The following KCNJ16 variants were observed in gnomAD, a reference collection of about 807,000 sequenced individuals.
KCNJ16 encodes inward rectifier potassium channel 16.
A neutral mutation model predicts 18.5 loss-of-function variants in KCNJ16; 15 were observed. The ratio of observed to expected loss-of-function variants is 0.81; its 90% CI spans 0.54 to 1.25. The LOEUF (loss-of-function observed/expected upper bound fraction) is 1.25. Among genes scored for constraint, KCNJ16 ranks in the 50% most tolerant of loss-of-function variants. The pLI is 0.00. For synonymous variants in KCNJ16, 174 were observed against 186.5 expected (o/e 0.93, Z 0.55); for missense variants, 523 against 525.7 (o/e 0.99, Z 0.05).
intron 2 of KCNJ16, among the ~76,000 whole-genome samples, chr17:70,115,238 A>G (rs867430041): frequency 2.8e-4 from 43 of 152,160 alleles, no homozygotes; most frequent in Middle Eastern, 3.2e-3. Flanking sequence ...AGAATCTGAA[A>G]GAAAATAGTT....
chr17:70,118,790 C>A (rs1270728122), intron 2 of KCNJ16, among the ~76,000 whole-genome samples: 1 of 152,116 alleles, frequency 6.6e-6, no homozygotes, highest in Non-Finnish European at 1.5e-5. Flanking sequence ...TGGGTGGGGA[C>A]AAATACCCAA....
chr17:70,106,124 T>C (rs2072911394), intron 2 of KCNJ16, among the ~76,000 whole-genome samples: 1 of 152,102 alleles, frequency 6.6e-6, no homozygotes, highest in Non-Finnish European at 1.5e-5. Flanking sequence ...TCAGCTAAAA[T>C]TAAGAAGTCA....
intron 2 of KCNJ16, among the ~76,000 whole-genome samples, chr17:70,108,845 A>G (rs567670003): frequency 7.2e-5 from 11 of 152,184 alleles, no homozygotes; most frequent in African/African-American, 2.2e-4. Flanking sequence ...CTTGACATTG[A>G]TAACTGTTTA....
intron 2 of KCNJ16, among the ~76,000 whole-genome samples, chr17:70,111,130 T>C (rs536956594): frequency 1.1e-4 from 16 of 152,304 alleles, no homozygotes; most frequent in African/African-American, 3.6e-4. Flanking sequence ...ATACAAAAGA[T>C]ATACACATCT....
chr17:70,113,171 T>C (rs1207626939), intron 2 of KCNJ16, among the ~76,000 whole-genome samples: 1 of 152,210 alleles, frequency 6.6e-6, no homozygotes, highest in Non-Finnish European at 1.5e-5. Context: ...ACCAACTTCC[T>C]TCATTCGCCT....
intron 1 of KCNJ16, among the ~76,000 whole-genome samples, chr17:70,075,616 C>T (rs2071271754): frequency 6.6e-6 from 1 of 152,146 alleles, no homozygotes; most frequent in Non-Finnish European, 1.5e-5. Flanking sequence ...TAAAAGTAGT[C>T]TCACATTGGT....
chr17:70,132,331 A>T lies in KCNJ16; in HGVS notation c.244A>T (p.Ile82Phe). The change falls in exon 4 of 4, where the codon ATT becomes TTT. Residue 82 changes from isoleucine to phenylalanine, a missense_variant. Physicochemically the swap from Ile to Phe is conservative, Grantham distance 21. Transcript: ENST00000392671. ...HMFVIFSLSY[I>F]LSWLIFGSVF... is the part of the protein sequence containing the mutation. ...GTTTGTGATATTTTCTTTATCTTATATTCTCTCGTGGTTGATATTTGGCTC... is the reference window on the plus strand; with the variant it reads ...GTTTGTGATATTTTCTTTATCTTATTTTCTCTCGTGGTTGATATTTGGCTC... 6.2e-7 allele frequency: 1 copy of T among 1,614,140 alleles called. No individual in the cohort carries two copies. The highest frequency in any genetic ancestry group is 8.5e-7 in the Non-Finnish European group (1 of 1,180,002).
intron 1 of KCNJ16, among the ~76,000 whole-genome samples, chr17:70,081,805 TC>T (rs1471031948): frequency 7.7e-5 from 8 of 103,960 alleles, no homozygotes; most frequent in Non-Finnish European, 1.5e-4. Flanking sequence ...GTCACCATGC[TC>T]TGTGTGTGTG....
At chr17:70,130,315 A>G (rs2074011382) in intron 2 of KCNJ16, among the ~76,000 whole-genome samples, 1 of 152,210 alleles carries the variant, frequency 6.6e-6, no homozygotes, top group African/African-American at 2.4e-5. Flanking sequence ...ACCTTCCAGT[A>G]AGCATTTTCG....
At chr17:70,092,609 A>G (rs1436022109) in intron 1 of KCNJ16, among the ~76,000 whole-genome samples, 1 of 150,444 alleles carries the variant, frequency 6.6e-6, no homozygotes, top group Non-Finnish European at 1.5e-5. Context: ...ATAGATAGAT[A>G]GATGAGATTC....
At chr17:70,103,288 GTGTGTGTGTATATATA>G (rs1238875247) in intron 2 of KCNJ16, among the ~76,000 whole-genome samples, 2 of 88,646 alleles carry the variant, frequency 2.3e-5, no homozygotes, top group African/African-American at 9.9e-5. Context: ...ATGCATATAT[GTGTGTGTGTATATATA>G]TATATATATA....
rs187421358 is a variant in KCNJ16, at chr17:70,123,349, T to C, written c.-190-7530T>C. Among the ~76,000 whole-genome samples the C allele has an allele frequency of 1.1e-4, 16 of 152,326 alleles. 1 individual carries two copies. The highest frequency in any genetic ancestry group is 3.6e-4 in the African/African-American group (15 of 41,574). The stretch of plus-strand genomic sequence containing the variant: ...AGCAGAAACGAGAGGCAAGAAACCT[T>C]TGCATGAGTCATGCAGCCTTTGCAA... On this transcript the variant is annotated intron_variant, in intron 2 of 3. Coordinates refer to ENST00000392671, the MANE Select transcript of KCNJ16 (RefSeq NM_170741.4).
Position 70,132,347 on chromosome 17 carries a change from T to A in KCNJ16, c.260T>A (p.Ile87Lys), listed in dbSNP as rs763719400. ...FSLSYILSWL[I>K]FGSVFWLIAF... ...TTATCTTATATTCTCTCGTGGTTGA[T>A]ATTTGGCTCTGTCTTTTGGCTCATA... The change falls in exon 4 of 4, where the codon ATA (isoleucine) becomes AAA (lysine). Residue 87 changes from isoleucine (I) to lysine (K), a missense_variant. By Grantham distance (102) the Ile-to-Lys change is moderately radical. Coordinates refer to ENST00000392671, the MANE Select transcript of KCNJ16 (RefSeq NM_170741.4). 73 of 1,614,132 alleles carry A rather than the reference T, an allele frequency of 4.5e-5. No individual in the cohort carries two copies. The highest frequency in any genetic ancestry group is 6.2e-5 in the Non-Finnish European group (73 of 1,180,050).
Position 70,122,392 on chromosome 17 carries a change from G to C in KCNJ16, c.-190-8487G>C, listed in dbSNP as rs2073678794. Among the ~76,000 whole-genome samples the C allele has an allele frequency of 1.3e-5, 2 of 152,072 alleles. 1 individual carries two copies. Among genetic ancestry groups the C allele is most frequent in the African/African-American group, 4.8e-5 (2 of 41,400 alleles). The stretch of plus-strand genomic sequence containing the variant: ...TGGTTTCACCATGTTGGCCAGGCTG[G>C]TCTCGTACTCCTGACCTCAGATGAT... On this transcript the variant is annotated intron_variant, in intron 2 of 3. Transcript: ENST00000392671.
chr17:70,119,646 G>A (rs2073551986), intron 2 of KCNJ16, among the ~76,000 whole-genome samples: 1 of 152,222 alleles, frequency 6.6e-6, no homozygotes, highest in African/African-American at 2.4e-5. Context: ...AGCTAAGGCT[G>A]GAGCTGGAGT....
chr17:70,091,740 CTT>C (rs2072101042), intron 1 of KCNJ16, among the ~76,000 whole-genome samples: 1 of 152,176 alleles, frequency 6.6e-6, no homozygotes, highest in Non-Finnish European at 1.5e-5. Flanking sequence ...TCATTAGACA[CTT>C]AAGGGCTGCT....
intron 2 of KCNJ16, among the ~76,000 whole-genome samples, chr17:70,115,513 A>T (rs1006150510): frequency 6.6e-6 from 1 of 152,190 alleles, no homozygotes; most frequent in African/African-American, 2.4e-5. Flanking sequence ...TTTTCTTTCC[A>T]AAGTTATTGA....
chr17:70,104,405 T>TA (rs1322383139), intron 2 of KCNJ16, among the ~76,000 whole-genome samples: 1 of 152,230 alleles, frequency 6.6e-6, no homozygotes, highest in Non-Finnish European at 1.5e-5. Flanking sequence ...AGGTGGCTGA[T>TA]AGTCTTTCTG....
intron 2 of KCNJ16, among the ~76,000 whole-genome samples, chr17:70,129,612 T>G (rs1567807182): frequency 6.6e-6 from 1 of 152,228 alleles, no homozygotes; most frequent in Non-Finnish European, 1.5e-5. Context: ...AAACAGAATC[T>G]GAATGCTTGC....
Sources: gnomAD v4.1 joint callset for allele counts (sites outside exome capture counted in the v4.1 genomes callset) on GRCh38, gnomAD v4.1.1 for gene constraint, MANE v1.5 for transcripts, NCBI Gene and HGNC (gene_info 2026-07-23, HGNC 2026-07-21) for gene names.